The following KCNQ5 variants were observed in gnomAD, a reference collection of about 807,000 sequenced individuals.
KCNQ5 encodes potassium voltage-gated channel subfamily KQT member 5.
A neutral mutation model predicts 98.2 loss-of-function variants in KCNQ5; 30 were observed. The ratio of observed to expected loss-of-function variants is 0.31; its 90% CI spans 0.23 to 0.41. The LOEUF (loss-of-function observed/expected upper bound fraction) is 0.41. KCNQ5 is among the 10% of genes least tolerant of loss of function. The probability of loss-of-function intolerance (pLI) is 1.00; values close to 1 mark genes in which losing one functional copy is unlikely to be tolerated. For missense variants in KCNQ5, 835 were observed against 1,182.5 expected, an observed-to-expected ratio of 0.71 and a Z score of 4.31; for synonymous variants, 458 against 449.4, an observed-to-expected ratio of 1.02 and a Z score of -0.24.
In KCNQ5 at chr6:73,194,574, G is replaced by A. The variant is rs1765712033; in HGVS notation, c.1959G>A (p.Gln653=). The A allele has an allele frequency of 1.2e-6, 2 of 1,614,058 alleles. No individual in the cohort carries two copies. Among genetic ancestry groups the A allele is most frequent in the Non-Finnish European group, 1.7e-6 (2 of 1,180,038 alleles). The change falls in exon 14 of 14, where the codon CAG becomes CAA. Residue 653 remains glutamine (Q), a synonymous_variant. Coordinates refer to ENST00000370398, the MANE Select transcript of KCNQ5 (RefSeq NM_019842.4). ...AGATCCCACCTTTTGAATGTGAACA[G>A]ACATCTGACTATCAAAGCCCTGTGG... ...SFQIPPFECE[Q]TSDYQSPVDS...
chr6:72,803,196 C>T (rs1774750574), intron 1 of KCNQ5, among the ~76,000 whole-genome samples: 1 of 152,132 alleles, frequency 6.6e-6, no homozygotes, highest in Non-Finnish European at 1.5e-5. Flanking sequence ...TTAAAAGAAA[C>T]AATTTCAGAA....
At chr6:72,672,874 G>T (rs1767205430) in intron 1 of KCNQ5, among the ~76,000 whole-genome samples, 1 of 152,150 alleles carries the variant, frequency 6.6e-6, no homozygotes, top group South Asian at 2.1e-4. Flanking sequence ...ATGATAAAAA[G>T]CACTTGTGAA....
At chr6:73,102,219 CT>C (rs1245595113) in intron 5 of KCNQ5, among the ~76,000 whole-genome samples, 1 of 152,082 alleles carries the variant, frequency 6.6e-6, no homozygotes, top group Non-Finnish European at 1.5e-5. Flanking sequence ...AATTAGACCC[CT>C]ATCCCTTGCC....
intron 1 of KCNQ5, among the ~76,000 whole-genome samples, chr6:72,875,665 G>GT (rs1417083801): frequency 6.6e-6 from 1 of 151,874 alleles, no homozygotes. Context: ...CTATTTTTTA[G>GT]TAGCCCAAAT....
At chr6:72,737,053 C>T (rs570710657) in intron 1 of KCNQ5, among the ~76,000 whole-genome samples, 2 of 152,162 alleles carry the variant, frequency 1.3e-5, no homozygotes, top group Non-Finnish European at 2.9e-5. Flanking sequence ...CTCCTCCTCC[C>T]GGGTTCAAGT....
At chr6:72,708,241 A>C (rs1769188608) in intron 1 of KCNQ5, among the ~76,000 whole-genome samples, 1 of 152,158 alleles carries the variant, frequency 6.6e-6, no homozygotes, top group East Asian at 1.9e-4. Context: ...ACAAAATTTC[A>C]TGACTTTTAT....
intron 1 of KCNQ5, among the ~76,000 whole-genome samples, chr6:72,778,609 CAA>C (rs58473368): frequency 6.3e-4 from 95 of 150,778 alleles, no homozygotes; most frequent in African/African-American, 2.1e-3. Context: ...ATTCCCACCA[CAA>C]AAAAAAAGGT....
chr6:72,856,734 G>C (rs1034100917), intron 1 of KCNQ5, among the ~76,000 whole-genome samples: 1 of 152,144 alleles, frequency 6.6e-6, no homozygotes, highest in Non-Finnish European at 1.5e-5. Flanking sequence ...AGAAATATTT[G>C]TGCATTAATT....
chr6:72,752,426 A>T (rs937704353), intron 1 of KCNQ5, among the ~76,000 whole-genome samples: 13 of 152,168 alleles, frequency 8.5e-5, no homozygotes, highest in African/African-American at 2.9e-4. Context: ...TTAGGCAAAG[A>T]AAACAGCCTA....
At chr6:73,034,079 A>G (rs181966815) in intron 2 of KCNQ5, among the ~76,000 whole-genome samples, 57 of 152,326 alleles carry the variant, frequency 3.7e-4, no homozygotes, top group African/African-American at 1.3e-3. Flanking sequence ...TTAAGTTTGG[A>G]GCCATCTCTA....
chr6:73,192,530 A>G (rs887475673), intron 12 of KCNQ5, 35 bp from the exon 13 acceptor site: 2 of 1,565,504 alleles, frequency 1.3e-6, no homozygotes, highest in Non-Finnish European at 1.7e-6. Flanking sequence ...CTCCACCTTC[A>G]GCCCTCATAA....
intron 7 of KCNQ5, among the ~76,000 whole-genome samples, chr6:73,120,047 G>A (rs898339388): frequency 1.0e-4 from 15 of 150,206 alleles, no homozygotes; most frequent in Non-Finnish European, 1.9e-4. Context: ...AGACCAGCCT[G>A]GCCAGCATGG....
intron 2 of KCNQ5, among the ~76,000 whole-genome samples, chr6:73,023,615 T>C (rs962991226): frequency 5.9e-5 from 9 of 152,168 alleles, no homozygotes; most frequent in Admixed American, 5.9e-4. Flanking sequence ...TCTGTCAAAA[T>C]TTAGACTTGA....
At chr6:73,081,188 T>C (rs894100178) in intron 5 of KCNQ5, among the ~76,000 whole-genome samples, 2 of 152,210 alleles carry the variant, frequency 1.3e-5, no homozygotes, top group East Asian at 1.9e-4. Flanking sequence ...GAGGTTGTGA[T>C]GAAAAGATGT....
intron 1 of KCNQ5, among the ~76,000 whole-genome samples, chr6:72,940,194 A>C (rs1766155551): frequency 6.6e-6 from 1 of 152,210 alleles, no homozygotes; most frequent in Non-Finnish European, 1.5e-5. Context: ...AGAGATTTGA[A>C]GCAGAACCAG....
At chr6:72,798,189 G>A (rs2154478508) in intron 1 of KCNQ5, among the ~76,000 whole-genome samples, 1 of 152,308 alleles carries the variant, frequency 6.6e-6, no homozygotes, top group East Asian at 1.9e-4. Flanking sequence ...ACATGTGCTT[G>A]AAAGTTCATG....
chr6:72,996,841 C>T (rs190706441), intron 1 of KCNQ5, among the ~76,000 whole-genome samples: 159 of 152,252 alleles, frequency 1.0e-3, no homozygotes, highest in African/African-American at 3.7e-3. Flanking sequence ...GAGAATGACA[C>T]GTCAGGACAT....
intron 1 of KCNQ5, among the ~76,000 whole-genome samples, chr6:72,652,302 G>A (rs999946764): frequency 6.7e-6 from 1 of 150,270 alleles, no homozygotes; most frequent in African/African-American, 2.4e-5. Context: ...TTAGTTAGAT[G>A]TTTCAGAAGA....
chr6:72,815,383 G>A (rs1446518571), intron 1 of KCNQ5, among the ~76,000 whole-genome samples: 1 of 152,210 alleles, frequency 6.6e-6, no homozygotes, highest in African/African-American at 2.4e-5. Flanking sequence ...ATGAAGGAAA[G>A]ATGTGGAAGA....
Sources: allele counts gnomAD v4.1 joint callset (sites outside exome capture counted in the v4.1 genomes callset), GRCh38; gene constraint gnomAD v4.1.1; transcripts MANE v1.5; gene names NCBI Gene and HGNC (gene_info 2026-07-23, HGNC 2026-07-21).